EEIG2: variants seen among roughly 807,000 people sequenced by gnomAD.
EEIG2 encodes the protein EEIG family member 2.
At chr1:108,625,023 C>G in the EEIG2 span, 1 of 288,348 alleles carries the variant, frequency 3.5e-6, no homozygotes, top group Non-Finnish European at 6.5e-6. Context: ...TCCATTTTTC[C>G]CGTTCCATTA....
the EEIG2 span, among the ~76,000 whole-genome samples, chr1:108,604,328 T>G: frequency 6.6e-6 from 1 of 152,304 alleles, no homozygotes; most frequent in African/African-American, 2.4e-5. Context: ...CTGTGTTAGA[T>G]GAATCACAGA....
At chr1:108,562,070 A>G in the EEIG2 span, among the ~76,000 whole-genome samples, 1 of 152,194 alleles carries the variant, frequency 6.6e-6, no homozygotes, top group Non-Finnish European at 1.5e-5. Context: ...TTCTAAATAT[A>G]TTATCTTATT....
At chr1:108,574,612 G>A in the EEIG2 span, among the ~76,000 whole-genome samples, 103 of 152,308 alleles carry the variant, frequency 6.8e-4, 1 homozygote, top group Non-Finnish European at 5.6e-4. Context: ...TTAGCTGGGC[G>A]TGGTGGCAGG....
At chr1:108,637,171 G>A in the EEIG2 span, 2 of 152,034 alleles carry the variant, frequency 1.3e-5, no homozygotes, top group Admixed American at 1.3e-4. Flanking sequence ...GAGAGATTTT[G>A]AAAAGCATAA....
chr1:108,573,749 A>G, the EEIG2 span, among the ~76,000 whole-genome samples: 2 of 152,250 alleles, frequency 1.3e-5, no homozygotes, highest in East Asian at 3.8e-4. Context: ...AAGAAGTTAT[A>G]CAAATGGCCA....
the EEIG2 span, among the ~76,000 whole-genome samples, chr1:108,605,367 A>G: frequency 6.6e-6 from 1 of 152,208 alleles, no homozygotes; most frequent in Non-Finnish European, 1.5e-5. Flanking sequence ...AGGAACAGCA[A>G]ATATTCATGA....
chr1:108,564,972 A>T, the EEIG2 span, among the ~76,000 whole-genome samples: 1 of 152,152 alleles, frequency 6.6e-6, no homozygotes, highest in South Asian at 2.1e-4. Context: ...AAAAATAAAG[A>T]TTATTAGTGA....
At chr1:108,625,830 A>G in the EEIG2 span, 1 of 145,604 alleles carries the variant, frequency 6.9e-6, no homozygotes, top group Admixed American at 6.8e-5. Context: ...GTGTGTGTGG[A>G]GAGAGAGAGA....
the EEIG2 span, among the ~76,000 whole-genome samples, chr1:108,610,618 T>G: frequency 2.0e-5 from 3 of 152,246 alleles, no homozygotes; most frequent in Admixed American, 2.0e-4. Context: ...TTTCTGCTGA[T>G]CTTTTGCCCC....
chr1:108,631,832 G>A, the EEIG2 span, among the ~76,000 whole-genome samples: 2 of 151,924 alleles, frequency 1.3e-5, no homozygotes, highest in East Asian at 1.9e-4. Context: ...AGTAATTTGA[G>A]GCTGGACATG....
chr1:108,621,047 C>CAG, the EEIG2 span, among the ~76,000 whole-genome samples: 150,430 of 152,300 alleles, frequency 0.99, 74,325 homozygotes, highest in East Asian at 1. Context: ...GGAGAGAAAA[C>CAG]TGTGCACAAG....
At chr1:108,568,526 A>G in the EEIG2 span, among the ~76,000 whole-genome samples, 1 of 152,224 alleles carries the variant, frequency 6.6e-6, no homozygotes, top group South Asian at 2.1e-4. Context: ...TCCTAATTTT[A>G]TTTGATTCTT....
the EEIG2 span, among the ~76,000 whole-genome samples, chr1:108,593,640 G>A: frequency 6.6e-6 from 1 of 152,086 alleles, no homozygotes; most frequent in South Asian, 2.1e-4. Flanking sequence ...TAGTCAAGCT[G>A]GTAGGTTACT....
the EEIG2 span, among the ~76,000 whole-genome samples, chr1:108,619,525 A>C: frequency 6.6e-6 from 1 of 152,358 alleles, no homozygotes; most frequent in East Asian, 1.9e-4. Flanking sequence ...TTTAGAGCCG[A>C]AAAGAATGTT....
At chr1:108,596,792 G>A in the EEIG2 span, among the ~76,000 whole-genome samples, 1 of 151,618 alleles carries the variant, frequency 6.6e-6, no homozygotes, top group Non-Finnish European at 1.5e-5. Context: ...AGACTGGAGT[G>A]CAGTGGCACA....
At chr1:108,561,817 G>T in the EEIG2 span, among the ~76,000 whole-genome samples, 3 of 152,198 alleles carry the variant, frequency 2.0e-5, no homozygotes, top group Non-Finnish European at 2.9e-5. Context: ...AAGCCGATTC[G>T]TGAAGGTCCT....
the EEIG2 span, chr1:108,629,612 G>C: frequency 1.2e-6 from 2 of 1,611,512 alleles, no homozygotes; most frequent in Non-Finnish European, 1.7e-6. Flanking sequence ...CTATTTGTGG[G>C]TCCTGGGGGA....
chr1:108,636,954 G>A, the EEIG2 span: 2 of 151,628 alleles, frequency 1.3e-5, no homozygotes, highest in African/African-American at 4.9e-5. Context: ...ATTTTTATTG[G>A]TGCTGTGCAA....
the EEIG2 span, among the ~76,000 whole-genome samples, chr1:108,572,522 A>G: frequency 2.0e-5 from 3 of 152,232 alleles, no homozygotes; most frequent in Admixed American, 1.3e-4. Context: ...CCAATCTAGT[A>G]TCATACAGAA....
Sources: allele counts gnomAD v4.1 joint callset (sites outside exome capture counted in the v4.1 genomes callset), GRCh38; gene constraint gnomAD v4.1.1; transcripts MANE v1.5; gene names NCBI Gene and HGNC (gene_info 2026-07-23, HGNC 2026-07-21).